Variants in OR51C1 observed in about 807,000 individuals in gnomAD.
OR51C1 encodes olfactory receptor OR51C1.
At chr11:4,696,209 A>C in the OR51C1 span, among the ~76,000 whole-genome samples, 1 of 152,192 alleles carries the variant, frequency 6.6e-6, no homozygotes, top group Non-Finnish European at 1.5e-5. Flanking sequence ...ATCTCTACCC[A>C]TCATCACTCA....
the OR51C1 span, among the ~76,000 whole-genome samples, chr11:4,697,434 T>G: frequency 1.3e-5 from 2 of 152,204 alleles, no homozygotes; most frequent in Admixed American, 6.5e-5. Context: ...ACCATTTGAC[T>G]AAAAACAAGT....
At chr11:4,692,155 C>T in the OR51C1 span, 3 of 452,584 alleles carry the variant, frequency 6.6e-6, no homozygotes, top group Non-Finnish European at 1.3e-5. Context: ...AGCAATATTA[C>T]ATTGGTCATA....
chr11:4,692,409 G>A, the OR51C1 span, among the ~76,000 whole-genome samples: 420 of 152,324 alleles, frequency 2.8e-3, 5 homozygotes, highest in African/African-American at 9.9e-3. Flanking sequence ...GTGCTGCCAC[G>A]TTCCAACACA....
At chr11:4,696,376 C>G in the OR51C1 span, among the ~76,000 whole-genome samples, 1 of 152,150 alleles carries the variant, frequency 6.6e-6, no homozygotes, top group East Asian at 1.9e-4. Flanking sequence ...CATGTGTGCA[C>G]ACACATACCC....
chr11:4,693,021 A>C, the OR51C1 span, among the ~76,000 whole-genome samples: 1 of 152,200 alleles, frequency 6.6e-6, no homozygotes, highest in Non-Finnish European at 1.5e-5. Context: ...AAATATCTAA[A>C]ATGTATGATC....
chr11:4,695,870 C>A, the OR51C1 span, among the ~76,000 whole-genome samples: 1 of 151,994 alleles, frequency 6.6e-6, no homozygotes, highest in Non-Finnish European at 1.5e-5. Context: ...CAAGAAGTAC[C>A]TCTTCTTTTC....
At chr11:4,696,993 C>A in the OR51C1 span, among the ~76,000 whole-genome samples, 9 of 152,178 alleles carry the variant, frequency 5.9e-5, no homozygotes, top group African/African-American at 2.2e-4. Flanking sequence ...TTACTGGACA[C>A]GTGTTCTGTG....
At chr11:4,693,248 A>G in the OR51C1 span, among the ~76,000 whole-genome samples, 1 of 152,240 alleles carries the variant, frequency 6.6e-6, no homozygotes, top group Non-Finnish European at 1.5e-5. Flanking sequence ...TCAACTAGAA[A>G]TAAGATAAAA....
chr11:4,692,025 ACC>A, the OR51C1 span: 54 of 345,048 alleles, frequency 1.6e-4, no homozygotes, highest in African/African-American at 1.0e-3. Flanking sequence ...TAAACACTTT[ACC>A]CTGAGTTTGC....
At chr11:4,693,359 T>C in the OR51C1 span, among the ~76,000 whole-genome samples, 2 of 152,334 alleles carry the variant, frequency 1.3e-5, no homozygotes, top group African/African-American at 4.8e-5. Context: ...AAAGCAGTGC[T>C]TGAAAGATTT....
chr11:4,693,951 G>A, the OR51C1 span, among the ~76,000 whole-genome samples: 2 of 152,070 alleles, frequency 1.3e-5, no homozygotes, highest in Non-Finnish European at 2.9e-5. Context: ...CATATACAGC[G>A]ATGAATAATA....
At chr11:4,690,448 G>A in the OR51C1 span, 1 of 163,442 alleles carries the variant, frequency 6.1e-6, no homozygotes, top group Non-Finnish European at 1.3e-5. Flanking sequence ...GATAATAACA[G>A]AAAGGGTGTT....
At chr11:4,693,405 G>A in the OR51C1 span, among the ~76,000 whole-genome samples, 1 of 152,168 alleles carries the variant, frequency 6.6e-6, no homozygotes, top group South Asian at 2.1e-4. Context: ...AGAATTCCCA[G>A]GCTTTCAGAA....
the OR51C1 span, chr11:4,691,460 G>A: frequency 2.2e-6 from 1 of 456,726 alleles, no homozygotes; most frequent in South Asian, 1.6e-5. Context: ...TCAGCATGGT[G>A]ACCAGAGTGG....
At chr11:4,693,139 G>A in the OR51C1 span, among the ~76,000 whole-genome samples, 1 of 152,244 alleles carries the variant, frequency 6.6e-6, no homozygotes, top group African/African-American at 2.4e-5. Context: ...AAATATTTGA[G>A]GTGATGGATA....
At chr11:4,692,130 C>G in the OR51C1 span, 1 of 450,300 alleles carries the variant, frequency 2.2e-6, no homozygotes. Flanking sequence ...GAAAAATACA[C>G]TGGGGCTGTG....
At chr11:4,692,295 A>C in the OR51C1 span, 3 of 320,502 alleles carry the variant, frequency 9.4e-6, no homozygotes, top group Non-Finnish European at 1.9e-5. Context: ...CATTAAAGAA[A>C]CCCTTACAAT....
the OR51C1 span, among the ~76,000 whole-genome samples, chr11:4,695,232 C>T: frequency 6.6e-6 from 1 of 152,144 alleles, no homozygotes; most frequent in Non-Finnish European, 1.5e-5. Context: ...AGGAGCTTTG[C>T]TTTTAATAAA....
the OR51C1 span, chr11:4,690,580 G>C: frequency 3.9e-6 from 1 of 255,552 alleles, no homozygotes; most frequent in South Asian, 4.4e-5. Context: ...CTCCTCATCT[G>C]GAAAATAAAG....
Sources: gnomAD v4.1 joint callset for allele counts (sites outside exome capture counted in the v4.1 genomes callset) on GRCh38, gnomAD v4.1.1 for gene constraint, MANE v1.5 for transcripts, NCBI Gene and HGNC (gene_info 2026-07-23, HGNC 2026-07-21) for gene names.